EP400: variants seen among roughly 807,000 people sequenced by gnomAD.
EP400 encodes the protein E1A binding protein p400, also known as E1A-binding protein p400.
EP400 carries 105 observed loss-of-function variants against 354.1 expected under a neutral mutation model. The ratio of observed to expected loss-of-function variants is 0.30; its 90% CI spans 0.25 to 0.35. The LOEUF (loss-of-function observed/expected upper bound fraction) is 0.35, where lower values mean the gene tolerates loss of function less well. Among genes scored for constraint, EP400 ranks in the 10% least tolerant of loss-of-function variants. The pLI is 1.00. For missense variants in EP400, 3,280 were observed against 4,121.0 expected (o/e 0.80, Z 5.59); for synonymous variants, 1,646 against 1,716.9 (o/e 0.96, Z 1.02).
rs754492075 is a variant in EP400 at position 131,986,699 on chromosome 12, G to T, written c.2115G>T (p.Arg705=). ...AGGCACTATCTCCAGTCACTTCCCGGACCCCAGGGGTGGTGGCATCTGCCC... is the reference window on the plus strand; with the variant it reads ...AGGCACTATCTCCAGTCACTTCCCGTACCCCAGGGGTGGTGGCATCTGCCC... The part of the protein sequence containing the change: ...TNKALSPVTS[R]TPGVVASAPT... Residue 705 remains arginine, a synonymous_variant, in exon 6 of 53, where the codon CGG becomes CGT. Coordinates refer to ENST00000389561, the MANE Select transcript of EP400 (RefSeq NM_015409.5). 3.1e-6 allele frequency: 5 copies of T among 1,614,118 alleles called. No individual in the cohort carries two copies. Among genetic ancestry groups the T allele is most frequent in the Non-Finnish European group, 4.2e-6 (5 of 1,180,020 alleles).
At chr12:132,066,469 G>A (rs964769996) in intron 48 of EP400, 14 of 328,882 alleles carry the variant, frequency 4.3e-5, no homozygotes, top group East Asian at 2.2e-4. Context: ...GACAGGATGC[G>A]GTTACTGGTT....
At chr12:131,966,038 C>CAA (rs542519203) in intron 2 of EP400, among the ~76,000 whole-genome samples, 7 of 108,786 alleles carry the variant, frequency 6.4e-5, no homozygotes, top group Non-Finnish European at 1.4e-4. Context: ...TGGCTGATTT[C>CAA]AAAAAAAAAA....
Position 132,070,095 on chromosome 12 carries a change from C to T in EP400, c.9021+454C>T, listed in dbSNP as rs1896025353. ...TCCTCTCTGCCTAGAGCTTTTATGT[C>T]CTGCTTCCTCCCAGAGCTTATGGAG... On this transcript the variant is annotated intron_variant, in intron 51 of 52. Coordinates refer to ENST00000389561, the MANE Select transcript of EP400 (RefSeq NM_015409.5). The surrounding 1 kb of genome is among the most constrained non-coding windows in gnomAD (Gnocchi z 4.1). 1.3e-5 allele frequency among the ~76,000 whole-genome samples: 2 copies of T among 152,108 alleles called. No individual in the cohort carries two copies.
intron 2 of EP400, among the ~76,000 whole-genome samples, chr12:131,972,404 C>A (rs1022116323): frequency 1.3e-5 from 2 of 152,064 alleles, no homozygotes; most frequent in Admixed American, 6.6e-5. Flanking sequence ...CCGCCCTCCT[C>A]GGCCTCCCAA....
chr12:131,982,546 CAG>C lies in EP400; in HGVS notation c.1929+71_1929+72del, dbSNP rs1479144303. On this transcript the variant is annotated intron_variant, in intron 5 of 52. Coordinates refer to ENST00000389561, the MANE Select transcript of EP400 (RefSeq NM_015409.5). ...ATTTGCTGGCTACCTGTGTGTTAGA[CAG>C]AGTGTCACACCACACTGTAATTTGT... is the stretch of plus-strand genomic sequence containing the variant. 9 of 1,518,158 alleles carry C rather than the reference CAG, an allele frequency of 5.9e-6. No homozygotes were observed. The African/African-American group carries it at 6.9e-5, about 12-fold the overall frequency. The allele number at this position is 1,518,158 out of a possible 1,614,324, so 94.0% of individuals were successfully genotyped here. A position where few individuals can be genotyped will look rare whatever the true frequency, so the allele number is the denominator to read the frequency against.
At chr12:132,040,320 A>C (rs1196862686) in intron 32 of EP400, among the ~76,000 whole-genome samples, 1 of 151,924 alleles carries the variant, frequency 6.6e-6, no homozygotes, top group East Asian at 1.9e-4. Context: ...TTCCTCAAAA[A>C]TGTGGAAATA....
chr12:132,061,889 G>A (rs942838676), intron 45 of EP400, among the ~76,000 whole-genome samples: 1 of 152,266 alleles, frequency 6.6e-6, no homozygotes, highest in Non-Finnish European at 1.5e-5. Flanking sequence ...TCTGAAGCGT[G>A]TTTCTGTGGG....
In EP400 at chr12:132,075,532, G is replaced by A. The variant is rs1032489956; in HGVS notation, c.9022-984G>A. Among the ~76,000 whole-genome samples, 2 of 152,126 alleles carry A rather than the reference G, an allele frequency of 1.3e-5. No homozygotes were observed. The highest frequency in any genetic ancestry group is 4.8e-5 in the African/African-American group (2 of 41,404). On this transcript the variant is annotated intron_variant, in intron 51 of 52. Transcript: ENST00000389561. The surrounding 1 kb of genome is among the most constrained non-coding windows in gnomAD (Gnocchi z 4.5). ...GTCTTGAGATGGGCCCTGGAGCACC[G>A]GCTGCATCTTTGTTTCCCAGCAGTT...
At chr12:131,997,456 C>T (rs80131977) in intron 12 of EP400, among the ~76,000 whole-genome samples, 4 of 151,860 alleles carry the variant, frequency 2.6e-5, no homozygotes, top group African/African-American at 4.8e-5. Flanking sequence ...TTTGTAGATA[C>T]GGGATTTCAG....
At chr12:131,966,920 A>C (rs1398376054) in intron 2 of EP400, among the ~76,000 whole-genome samples, 3 of 150,112 alleles carry the variant, frequency 2.0e-5, no homozygotes, top group South Asian at 2.2e-4. Context: ...AAAAAAAAAA[A>C]AAAAACCTAT....
chr12:131,950,934 C>T (rs936537204), intron 1 of EP400, among the ~76,000 whole-genome samples: 2 of 151,902 alleles, frequency 1.3e-5, no homozygotes, highest in African/African-American at 2.4e-5. Context: ...GAGTCTCTCT[C>T]TGTCACCCAG....
intron 1 of EP400, among the ~76,000 whole-genome samples, chr12:131,955,043 G>A (rs1376828329): frequency 1.3e-5 from 2 of 152,050 alleles, no homozygotes; most frequent in Non-Finnish European, 2.9e-5. Context: ...AAAAAATTAG[G>A]AGTAAAAATT....
At chr12:131,988,930 G>GAGAGAA (rs1451534568) in intron 7 of EP400, among the ~76,000 whole-genome samples, 1 of 152,238 alleles carries the variant, frequency 6.6e-6, no homozygotes, top group African/African-American at 2.4e-5. Flanking sequence ...TGAGACCACA[G>GAGAGAA]GGTGAGAACC....
intron 1 of EP400, among the ~76,000 whole-genome samples, chr12:131,950,520 A>C (rs1469914099): frequency 6.6e-6 from 1 of 151,938 alleles, no homozygotes; most frequent in African/African-American, 2.4e-5. Context: ...GGGCGAATTC[A>C]CTCAGAACTT....
At chr12:132,006,366 T>C (rs1893582138) in intron 14 of EP400, 64 bp downstream of exon 14, 1 of 1,534,678 alleles carries the variant, frequency 6.5e-7, no homozygotes, top group Non-Finnish European at 8.8e-7. Flanking sequence ...AGCTTAGCCA[T>C]GAGAAAAGCT....
Position 132,067,598 on chromosome 12 carries a change from AG to A in EP400, c.8874+115del. On this transcript the variant is annotated intron_variant, in intron 50 of 52. Transcript: ENST00000389561. The surrounding 1 kb of genome is among the most constrained non-coding windows in gnomAD (Gnocchi z 5.3). ...CCATGTGGCGGCTCACGCTTTTCAG[AG>A]GGTGGCTTCAAGGGCTGGAGGTGCT... is the stretch of plus-strand genomic sequence containing the variant. 6.8e-7 allele frequency: 1 copy of A among 1,466,452 alleles called. No individual in the cohort carries two copies. The highest frequency in any genetic ancestry group is 9.1e-7 in the Non-Finnish European group (1 of 1,097,282). The allele number at this position is 1,466,452 out of a possible 1,614,324, so 90.8% of individuals were successfully genotyped here.
At chr12:131,992,512 A>C (rs1220390317) in intron 11 of EP400, among the ~76,000 whole-genome samples, 1 of 152,244 alleles carries the variant, frequency 6.6e-6, no homozygotes, top group Non-Finnish European at 1.5e-5. Context: ...CACAGGGCCA[A>C]GCCTGTTTCT....
At chr12:132,043,268 GTC>G (rs1262363056) in intron 32 of EP400, 34 bp from the exon 33 acceptor site, 1 of 1,585,594 alleles carries the variant, frequency 6.3e-7, no homozygotes, top group South Asian at 1.2e-5. Flanking sequence ...CATTTAAAAA[GTC>G]TATCAAGGCA....
chr12:132,055,041 T>C, intron 44 of EP400, 22 bp downstream of exon 44: 2 of 1,613,972 alleles, frequency 1.2e-6, no homozygotes, highest in Non-Finnish European at 1.7e-6. Context: ...ACAGAGATGC[T>C]GAAATGTGGA....
Sources: gnomAD v4.1 joint callset for allele counts (sites outside exome capture counted in the v4.1 genomes callset) on GRCh38, gnomAD v4.1.1 for gene constraint, Gnocchi (gnomAD v3.1) non-coding constraint, MANE v1.5 for transcripts, NCBI Gene and HGNC (gene_info 2026-07-23, HGNC 2026-07-21) for gene names.